The following NALF1 variants were observed in gnomAD, a reference collection of about 807,000 sequenced individuals.
NALF1 encodes the protein NALCN channel auxiliary factor 1.
Under a neutral mutation model 48.4 loss-of-function variants are expected in NALF1, and 3 were observed. The ratio of observed to expected loss-of-function variants is 0.06; its 90% CI spans 0.03 to 0.16. NALF1 has a LOEUF of 0.16. NALF1 is among the 10% of genes least tolerant of loss of function. The pLI is 1.00. For synonymous variants in NALF1, 262 were observed against 245.7 expected (o/e 1.07, Z -0.62); for missense variants, 526 against 571.5 (o/e 0.92, Z 0.81).
rs894814676 is a variant in NALF1 at position 107,780,782 on chromosome 13, G to A, written c.915+84900C>T. Among the ~76,000 whole-genome samples the A allele has an allele frequency of 1.6e-4, 24 of 151,928 alleles. 1 individual carries two copies. Among genetic ancestry groups the A allele is most frequent in the African/African-American group, 5.6e-4 (23 of 41,394 alleles). On this transcript the variant is annotated intron_variant, in intron 1 of 2. Transcript: ENST00000375915. ...CCCTGTCTCTACTAAAAATACAAGA[G>A]TTTTAATTTCTGTAAAGTGCTAGGC... is the stretch of plus-strand genomic sequence containing the variant.
intron 1 of NALF1, among the ~76,000 whole-genome samples, chr13:107,606,856 A>G (rs1269667289): frequency 1.3e-5 from 2 of 152,174 alleles, no homozygotes; most frequent in Non-Finnish European, 2.9e-5. Context: ...AACAAAATCT[A>G]TCTGTCCTGA....
At chr13:107,650,408 A>AAAAAAAAAAT (rs1880423881) in intron 1 of NALF1, among the ~76,000 whole-genome samples, 1 of 149,536 alleles carries the variant, frequency 6.7e-6, no homozygotes, top group African/African-American at 2.5e-5. Context: ...AAAAAAAAAA[A>AAAAAAAAAAT]GGAACAAATT....
At chr13:107,302,744 A>C (rs1368979573) in intron 1 of NALF1, among the ~76,000 whole-genome samples, 1 of 152,256 alleles carries the variant, frequency 6.6e-6, no homozygotes, top group East Asian at 1.9e-4. Context: ...CCCCAGACTA[A>C]TGTGCCTGCC....
chr13:107,210,535 A>G (rs1879739344), intron 2 of NALF1, 49 bp downstream of exon 2: 1 of 1,344,900 alleles, frequency 7.4e-7, no homozygotes, highest in Non-Finnish European at 1.1e-6. Context: ...TCACACAAGA[A>G]AGCAAAACCA....
chr13:107,298,351 C>CAAAAAAA (rs1192707023), intron 1 of NALF1, among the ~76,000 whole-genome samples: 558 of 16,616 alleles, frequency 0.034, 114 homozygotes, highest in South Asian at 0.059. Flanking sequence ...GACTCCATCT[C>CAAAAAAA]AAAAAAAAAA....
chr13:107,414,459 G>A (rs904689998), intron 1 of NALF1, among the ~76,000 whole-genome samples: 2 of 148,422 alleles, frequency 1.3e-5, no homozygotes, highest in African/African-American at 2.5e-5. Flanking sequence ...TATTATATTC[G>A]GTAACAAATT....
intron 1 of NALF1, among the ~76,000 whole-genome samples, chr13:107,377,893 A>G (rs1883365465): frequency 6.6e-6 from 1 of 152,222 alleles, no homozygotes; most frequent in Admixed American, 6.5e-5. Flanking sequence ...TTTAAATATG[A>G]ATGAGAAATG....
chr13:107,535,464 C>G (rs1328876827), intron 1 of NALF1, among the ~76,000 whole-genome samples: 1 of 152,070 alleles, frequency 6.6e-6, no homozygotes, highest in East Asian at 1.9e-4. Context: ...CATGAGTGAA[C>G]TCCCATTCAC....
chr13:107,701,240 C>T (rs1881811344), intron 1 of NALF1, among the ~76,000 whole-genome samples: 1 of 152,094 alleles, frequency 6.6e-6, no homozygotes, highest in South Asian at 2.1e-4. Context: ...AACCTCAAGA[C>T]CCACTGAAAG....
At chr13:107,215,674 T>C (rs1246841751) in intron 1 of NALF1, among the ~76,000 whole-genome samples, 1 of 152,128 alleles carries the variant, frequency 6.6e-6, no homozygotes, top group African/African-American at 2.4e-5. Context: ...CATTTGTGAA[T>C]AGAAATACTA....
intron 1 of NALF1, among the ~76,000 whole-genome samples, chr13:107,418,184 ATGTGAC>A (rs1295625648): frequency 6.6e-6 from 1 of 152,172 alleles, no homozygotes; most frequent in Non-Finnish European, 1.5e-5. Flanking sequence ...GTCTCTAATC[ATGTGAC>A]TGTTGTGTGC....
chr13:107,505,462 G>A (rs1875665921), intron 1 of NALF1, among the ~76,000 whole-genome samples: 1 of 152,182 alleles, frequency 6.6e-6, no homozygotes, highest in Non-Finnish European at 1.5e-5. Flanking sequence ...AGACAACACT[G>A]CAGTGGTCCT....
chr13:107,468,047 CAAA>C (rs1287757353), intron 1 of NALF1, among the ~76,000 whole-genome samples: 3 of 75,618 alleles, frequency 4.0e-5, no homozygotes, highest in Non-Finnish European at 6.2e-5. Flanking sequence ...GACTCCGTCT[CAAA>C]AAAAAAAAAA....
chr13:107,374,731 G>T (rs572213950), intron 1 of NALF1, among the ~76,000 whole-genome samples: 2 of 152,218 alleles, frequency 1.3e-5, no homozygotes, highest in South Asian at 4.1e-4. Context: ...GAGTCCTCAT[G>T]AATGGATTAA....
intron 1 of NALF1, among the ~76,000 whole-genome samples, chr13:107,586,907 T>A (rs888779716): frequency 6.6e-6 from 1 of 151,974 alleles, no homozygotes; most frequent in African/African-American, 2.4e-5. Context: ...AGAAATAGAT[T>A]TACCATGATT....
intron 1 of NALF1, among the ~76,000 whole-genome samples, chr13:107,370,137 A>G (rs1053505296): frequency 3.3e-4 from 10 of 30,232 alleles, no homozygotes; most frequent in Admixed American, 5.9e-4. Flanking sequence ...GGTTTGAGGA[A>G]AAAAAAATAC....
At chr13:107,412,998 A>T (rs1454971933) in intron 1 of NALF1, among the ~76,000 whole-genome samples, 1 of 152,196 alleles carries the variant, frequency 6.6e-6, no homozygotes, top group Non-Finnish European at 1.5e-5. Context: ...CACATTAAGG[A>T]TGATCTATGA....
chr13:107,285,623 A>T (rs2138877068), intron 1 of NALF1, among the ~76,000 whole-genome samples: 1 of 152,274 alleles, frequency 6.6e-6, no homozygotes, highest in East Asian at 1.9e-4. Flanking sequence ...ATATTGTTTT[A>T]TATATATGTA....
At chr13:107,541,091 G>A (rs1389141918) in intron 1 of NALF1, among the ~76,000 whole-genome samples, 1 of 152,094 alleles carries the variant, frequency 6.6e-6, no homozygotes, top group Admixed American at 6.6e-5. Context: ...CAAGATTCAT[G>A]CTCTTTACTT....
Sources: gnomAD v4.1 joint callset for allele counts (sites outside exome capture counted in the v4.1 genomes callset) on GRCh38, gnomAD v4.1.1 for gene constraint, MANE v1.5 for transcripts, NCBI Gene and HGNC (gene_info 2026-07-23, HGNC 2026-07-21) for gene names.